Variants in ANK1 observed in about 807,000 individuals in gnomAD.
The protein encoded by ANK1 is ankyrin 1.
ANK1 carries 51 observed loss-of-function variants against 210.4 expected under a neutral mutation model. The ratio of observed to expected loss-of-function variants is 0.24; its 90% CI spans 0.19 to 0.31. The LOEUF (loss-of-function observed/expected upper bound fraction) is 0.31, where lower values mean the gene tolerates loss of function less well. Among genes scored for constraint, ANK1 ranks in the 10% least tolerant of loss-of-function variants. The pLI is 1.00. For synonymous variants in ANK1, 967 were observed against 1,025.9 expected, an observed-to-expected ratio of 0.94 and a Z score of 1.10; for missense variants, 2,051 against 2,504.4, an observed-to-expected ratio of 0.82 and a Z score of 3.86.
Position 41,661,419 on chromosome 8 carries a change from GGCA to G in ANK1, c.*36+8_*36+10del, listed in dbSNP as rs1563328268. 4.3e-6 allele frequency: 7 copies of G among 1,613,590 alleles called. No homozygotes were observed. The highest frequency in any genetic ancestry group is 5.9e-6 in the Non-Finnish European group (7 of 1,180,006). Reference sequence around the variant, plus strand: ...CAGGCCATGCAGAGGGGATGAGAAGGGCAGCGTTACCTCCCGAGAGGCTACTCC... The same window carrying G: ...CAGGCCATGCAGAGGGGATGAGAAGGGCGTTACCTCCCGAGAGGCTACTCC... On this transcript the variant is annotated splice_region_variant and intron_variant, in intron 42 of 42. Coordinates refer to ENST00000289734, the MANE Select transcript of ANK1 (RefSeq NM_000037.4).
chr8:41,669,528 C>T (rs1481970561), intron 38 of ANK1, among the ~76,000 whole-genome samples: 1 of 152,134 alleles, frequency 6.6e-6, no homozygotes, highest in Admixed American at 6.5e-5. Flanking sequence ...CTTGGCATCT[C>T]CAGGACAGTG....
rs563479789 is a variant in ANK1, at chr8:41,887,718, C to T, written c.126+8637G>A. Among the ~76,000 whole-genome samples the T allele has an allele frequency of 1.6e-4, 24 of 152,294 alleles. 1 individual carries two copies. Among genetic ancestry groups the T allele is most frequent in the Middle Eastern group, 6.8e-3 (2 of 294 alleles). ...CCCTGAGTCTTCCTGGTCTATTCCACGTATATTATATATACAAGTGTATAT... is the reference window on the plus strand; with the variant it reads ...CCCTGAGTCTTCCTGGTCTATTCCATGTATATTATATATACAAGTGTATAT... On this transcript the variant is annotated intron_variant, in intron 1 of 42. Transcript: ENST00000265709.
chr8:41,775,801 C>T (rs1440825819), intron 1 of ANK1, among the ~76,000 whole-genome samples: 4 of 152,108 alleles, frequency 2.6e-5, no homozygotes, highest in Non-Finnish European at 4.4e-5. Context: ...GTGGGAGAAT[C>T]GCTTGAGGCC....
At position 41,795,051 on chromosome 8, in the gene ANK1, C is replaced by T. The variant is rs77136326; in HGVS notation, c.27+2461G>A. On this transcript the variant is annotated intron_variant, in intron 1 of 42. Coordinates refer to ENST00000289734, the MANE Select transcript of ANK1 (RefSeq NM_000037.4). The stretch of plus-strand genomic sequence containing the variant: ...GGAGGACAAAGGTTTTTAGTCACTT[C>T]ACCTTTAGAAAACACTCTTATTTTC... Among the ~76,000 whole-genome samples the T allele has an allele frequency of 1.3e-3, 201 of 152,314 alleles. 2 individuals are homozygous for T. The East Asian group carries it at 0.028, about 21-fold the overall frequency.
At chr8:41,896,607 G>A in exon 1 of ANK1, 2 of 1,267,738 alleles carry the variant, frequency 1.6e-6, no homozygotes, top group South Asian at 2.1e-5. Flanking sequence ...GTGGCGCCCC[G>A]AGGGCCGGCT....
At chr8:41,765,567 A>G (rs922078095) in intron 1 of ANK1, among the ~76,000 whole-genome samples, 1 of 152,008 alleles carries the variant, frequency 6.6e-6, no homozygotes, top group Non-Finnish European at 1.5e-5. Context: ...TAGTGCTCAT[A>G]AGGGTCCTCT....
In ANK1 at chr8:41,822,091, AGAGAG is replaced by A. The variant is rs1563844576; in HGVS notation, c.127-63959_127-63955del. Among the ~76,000 whole-genome samples, 67 of 56,754 alleles carry A rather than the reference AGAGAG, an allele frequency of 1.2e-3. 3 individuals carry two copies. The highest frequency in any genetic ancestry group is 1.4e-3 in the Non-Finnish European group (40 of 28,142). The allele number at this position is 56,754 out of a possible 152,430, so 37.2% of individuals were successfully genotyped here. On this transcript the variant is annotated intron_variant, in intron 1 of 42. Coordinates refer to the ANK1 transcript ENST00000265709. ...GAGAGAGAGAGAGAGAGAGAGAGAG[AGAGAG>A]AGAGAGAGAGAGAGAGAGAAAGAAA...
chr8:41,654,344 C>CG lies in ANK1; in HGVS notation c.*1445dup, dbSNP rs1180839448. 6.5e-6 allele frequency: 1 copy of CG among 152,698 alleles called. No homozygotes were observed. The highest frequency in any genetic ancestry group is 2.4e-5 in the African/African-American group (1 of 41,462). The allele number at this position is 152,698 out of a possible 1,614,324, so 9.5% of individuals were successfully genotyped here. A position where few individuals can be genotyped will look rare whatever the true frequency, so the allele number is the denominator to read the frequency against. ...CCGGCCTCTGGGCGTCCAGGCTCTC[C>CG]GCCTCCGACTCTACTCTCACCGGCC... On this transcript the variant is annotated 3_prime_UTR_variant, in exon 43 of 43. Coordinates refer to ENST00000289734, the MANE Select transcript of ANK1 (RefSeq NM_000037.4).
At chr8:41,821,621 A>T (rs924301045) in intron 1 of ANK1, among the ~76,000 whole-genome samples, 2 of 152,156 alleles carry the variant, frequency 1.3e-5, no homozygotes, top group African/African-American at 4.8e-5. Flanking sequence ...GTTGGCCATG[A>T]CTTCCTCCTG....
At chr8:41,840,812 C>A (rs1257006685) in intron 1 of ANK1, among the ~76,000 whole-genome samples, 1 of 152,202 alleles carries the variant, frequency 6.6e-6, no homozygotes, top group East Asian at 1.9e-4. Flanking sequence ...AAGAGTATAT[C>A]AACGCCAAGA....
chr8:41,864,359 T>C (rs1396425197), intron 1 of ANK1, among the ~76,000 whole-genome samples: 2 of 152,196 alleles, frequency 1.3e-5, no homozygotes, highest in Non-Finnish European at 2.9e-5. Flanking sequence ...GTTTCTTTAT[T>C]TAAATGCCTG....
At chr8:41,791,361 G>C (rs565736496) in intron 1 of ANK1, among the ~76,000 whole-genome samples, 1 of 148,710 alleles carries the variant, frequency 6.7e-6, no homozygotes, top group Non-Finnish European at 1.5e-5. Context: ...TAGAGATGGG[G>C]TTTTGCCATG....
chr8:41,717,138 G>A (rs1366173012), intron 12 of ANK1, 87 bp from the exon 13 acceptor site: 5 of 1,454,082 alleles, frequency 3.4e-6, no homozygotes, highest in Non-Finnish European at 4.8e-6. Flanking sequence ...AGTCTGGAGT[G>A]GCTTGGTGGG....
intron 1 of ANK1, among the ~76,000 whole-genome samples, chr8:41,760,757 G>T (rs1188069967): frequency 1.3e-5 from 2 of 152,134 alleles, no homozygotes; most frequent in South Asian, 4.1e-4. Context: ...TTGGCACATA[G>T]TTGCATACAA....
intron 20 of ANK1, among the ~76,000 whole-genome samples, chr8:41,703,170 G>A (rs546681923): frequency 6.6e-6 from 1 of 151,958 alleles, no homozygotes; most frequent in South Asian, 2.1e-4. Context: ...CAGACACGGA[G>A]ATAATTTCAC....
chr8:41,675,120 T>C lies in ANK1; in HGVS notation c.4538-2208A>G, dbSNP rs570148805. 3.9e-5 allele frequency among the ~76,000 whole-genome samples: 6 copies of C among 152,330 alleles called. No individual in the cohort carries two copies. The East Asian group carries it at 1.2e-3, about 29-fold the overall frequency. ...TTTTGTTGTTTTTTAAAGCAGAGTC[T>C]TGCTCTGTTGCCCAGGCTGGAGTGC... is the stretch of plus-strand genomic sequence containing the variant. On this transcript the variant is annotated intron_variant, in intron 37 of 42. Coordinates refer to ENST00000289734, the MANE Select transcript of ANK1 (RefSeq NM_000037.4).
intron 1 of ANK1, among the ~76,000 whole-genome samples, chr8:41,858,851 G>A (rs2150816712): frequency 6.6e-6 from 1 of 152,360 alleles, no homozygotes; most frequent in South Asian, 2.1e-4. Context: ...AATCCAGGCT[G>A]TTCTCATTAC....
In ANK1 at chr8:41,757,164, C is replaced by T. The variant is rs183868440; in HGVS notation, c.129+872G>A. Among the ~76,000 whole-genome samples the T allele has an allele frequency of 1.2e-3, 180 of 152,118 alleles. 2 individuals are homozygous for T. The highest frequency in any genetic ancestry group is 3.2e-3 in the Admixed American group (49 of 15,274). On this transcript the variant is annotated intron_variant, in intron 2 of 42. Transcript: ENST00000289734. ...GACTTAATCCCATTGAACTGTACGC[C>T]GAAAAATGGTTAAGACAGGAAATTC...
intron 1 of ANK1, among the ~76,000 whole-genome samples, chr8:41,864,675 T>C (rs997648727): frequency 3.3e-5 from 5 of 152,188 alleles, no homozygotes; most frequent in Non-Finnish European, 7.3e-5. Context: ...TGCAGAGAGA[T>C]GAGTGCTTAG....
Sources: gnomAD v4.1 joint callset for allele counts (sites outside exome capture counted in the v4.1 genomes callset) on GRCh38, gnomAD v4.1.1 for gene constraint, MANE v1.5 for transcripts, NCBI Gene and HGNC (gene_info 2026-07-23, HGNC 2026-07-21) for gene names.